MEIKIN: variants seen among roughly 807,000 people sequenced by gnomAD.
MEIKIN encodes the protein meiosis-specific kinetochore protein.
chr5:131,875,969 C>A (rs938865812), intron 9 of MEIKIN, among the ~76,000 whole-genome samples: 4 of 152,168 alleles, frequency 2.6e-5, no homozygotes, highest in African/African-American at 4.8e-5. Context: ...TGGATCCCTT[C>A]CTTACACCTT....
intron 5 of MEIKIN, 108 bp from the exon 6 acceptor site, chr5:131,922,049 T>A: frequency 2.5e-6 from 1 of 394,364 alleles, no homozygotes; most frequent in Admixed American, 4.4e-5. Context: ...ATGATGGTAT[T>A]ATATTTGAAG....
At chr5:131,897,583 T>C (rs1057004501) in intron 8 of MEIKIN, among the ~76,000 whole-genome samples, 1 of 152,244 alleles carries the variant, frequency 6.6e-6, no homozygotes, top group African/African-American at 2.4e-5. Context: ...GGCTTGTTTG[T>C]TCCTTTTCAT....
intron 9 of MEIKIN, among the ~76,000 whole-genome samples, chr5:131,855,640 GAAA>G (rs1408162529): frequency 4.0e-5 from 6 of 151,240 alleles, no homozygotes. Flanking sequence ...GAGAAGGAGA[GAAA>G]AAGAGGAAGA....
intron 9 of MEIKIN, among the ~76,000 whole-genome samples, chr5:131,863,610 A>G (rs1256193466): frequency 2.2e-5 from 1 of 45,776 alleles, no homozygotes; most frequent in African/African-American, 1.0e-4. Flanking sequence ...AGTCTGTTTT[A>G]TCTAAGTATA....
intron 9 of MEIKIN, among the ~76,000 whole-genome samples, chr5:131,857,479 A>G (rs2149617671): frequency 6.6e-6 from 1 of 152,194 alleles, no homozygotes; most frequent in South Asian, 2.1e-4. Flanking sequence ...TGTCCATGAG[A>G]TATGTCCAGT....
chr5:131,885,206 T>C (rs1750759228), intron 8 of MEIKIN, among the ~76,000 whole-genome samples: 1 of 151,920 alleles, frequency 6.6e-6, no homozygotes, highest in South Asian at 2.1e-4. Flanking sequence ...CAGGTATTAG[T>C]TACAATGAGC....
At chr5:131,850,833 G>A (rs1046359127) in intron 11 of MEIKIN, among the ~76,000 whole-genome samples, 5 of 152,124 alleles carry the variant, frequency 3.3e-5, no homozygotes, top group East Asian at 3.9e-4. Context: ...CTAGCTATTC[G>A]AGAGGCTGAG....
At chr5:131,820,552 GAAGT>G (rs1161904920) in intron 11 of MEIKIN, among the ~76,000 whole-genome samples, 1 of 152,148 alleles carries the variant, frequency 6.6e-6, no homozygotes, top group East Asian at 1.9e-4. Context: ...AATGAATTTG[GAAGT>G]ATTCCCTCCT....
chr5:131,928,884 T>C (rs2149650736), intron 5 of MEIKIN, among the ~76,000 whole-genome samples: 1 of 152,202 alleles, frequency 6.6e-6, no homozygotes, highest in East Asian at 1.9e-4. Flanking sequence ...TCTGTATTTA[T>C]CTATATATTT....
chr5:131,836,774 G>C (rs6882899), intron 11 of MEIKIN, among the ~76,000 whole-genome samples: 118,817 of 151,406 alleles, frequency 0.78, 46,812 homozygotes, highest in Middle Eastern at 0.83. Flanking sequence ...GTTTCAGTTC[G>C]TTATAGATGC....
rs140855612 is a variant in MEIKIN at position 131,935,053 on chromosome 5, C to A, written c.350-1412G>T. 2.5e-3 allele frequency among the ~76,000 whole-genome samples: 378 copies of A among 148,912 alleles called. 1 individual carries two copies. Among genetic ancestry groups the A allele is most frequent in the African/African-American group, 8.9e-3 (361 of 40,476 alleles). On this transcript the variant is annotated intron_variant, in intron 4 of 12. Transcript: ENST00000442687. ...TCCAGCCTGGTGACAGAGTGAGACT[C>A]CATCCAAAAAAAAAGAAAAAAGAAA...
chr5:131,944,111 C>CAA (rs530605601), intron 3 of MEIKIN, among the ~76,000 whole-genome samples: 7 of 67,840 alleles, frequency 1.0e-4, no homozygotes, highest in East Asian at 3.7e-4. Flanking sequence ...ACTCTGTCTC[C>CAA]AAAAAAAAAA....
At chr5:131,853,842 C>G (rs1013817486) in intron 10 of MEIKIN, among the ~76,000 whole-genome samples, 1 of 152,082 alleles carries the variant, frequency 6.6e-6, no homozygotes, top group African/African-American at 2.4e-5. Flanking sequence ...AAGAAAATAA[C>G]AAGTGCTGGC....
At chr5:131,851,999 A>G (rs1750122425) in intron 10 of MEIKIN, among the ~76,000 whole-genome samples, 1 of 152,246 alleles carries the variant, frequency 6.6e-6, no homozygotes. Context: ...CTTGTCAACA[A>G]ATGTTCATAA....
At chr5:131,896,784 T>C (rs1751060204) in intron 8 of MEIKIN, among the ~76,000 whole-genome samples, 1 of 152,204 alleles carries the variant, frequency 6.6e-6, no homozygotes, top group Non-Finnish European at 1.5e-5. Flanking sequence ...TCTCTGCACA[T>C]GAGATGGGTT....
Position 131,916,876 on chromosome 5 carries a change from T to C in MEIKIN, c.638+10A>G. On this transcript the variant is annotated intron_variant, in intron 7 of 12. Coordinates refer to ENST00000442687, the MANE Select transcript of MEIKIN (RefSeq NM_001303622.2). Reference sequence around the variant, plus strand: ...AGAAGCTCAACAATTTTAAAATTTTTAGTTCTTACGTTTTTCTATGGCATT... The same window carrying C: ...AGAAGCTCAACAATTTTAAAATTTTCAGTTCTTACGTTTTTCTATGGCATT... The C allele has an allele frequency of 2.5e-6, 1 of 397,314 alleles. No individual in the cohort carries two copies. Among genetic ancestry groups the C allele is most frequent in the Non-Finnish European group, 4.4e-6 (1 of 225,072 alleles). 24.6% of individuals were successfully genotyped at this position (397,314 alleles called of 1,614,324 possible).
chr5:131,828,045 A>AG (rs1189443542), intron 11 of MEIKIN, among the ~76,000 whole-genome samples: 1 of 152,116 alleles, frequency 6.6e-6, no homozygotes, highest in Non-Finnish European at 1.5e-5. Context: ...TCTCAAAAAA[A>AG]AAAAAAATTA....
chr5:131,895,510 T>C (rs953549947), intron 8 of MEIKIN, among the ~76,000 whole-genome samples: 1 of 152,206 alleles, frequency 6.6e-6, no homozygotes, highest in African/African-American at 2.4e-5. Flanking sequence ...TGGGAATCAG[T>C]CTGGTCCTGG....
chr5:131,901,770 G>C (rs547264772), intron 8 of MEIKIN, among the ~76,000 whole-genome samples: 2 of 152,146 alleles, frequency 1.3e-5, no homozygotes, highest in South Asian at 4.2e-4. Flanking sequence ...AACAAAACCA[G>C]TTGACTGAAC....
Sources: allele counts gnomAD v4.1 joint callset (sites outside exome capture counted in the v4.1 genomes callset), GRCh38; gene constraint gnomAD v4.1.1; transcripts MANE v1.5; gene names NCBI Gene and HGNC (gene_info 2026-07-23, HGNC 2026-07-21).